PARD3B: variants seen among roughly 807,000 people sequenced by gnomAD.
PARD3B encodes partitioning defective 3 homolog B.
Under a neutral mutation model 130.2 loss-of-function variants are expected in PARD3B, and 103 were observed. That is an observed-to-expected ratio of 0.79 (90% CI 0.67 to 0.93). The LOEUF (loss-of-function observed/expected upper bound fraction) is 0.93. PARD3B is among the 40% of genes least tolerant of loss of function. PARD3B has a pLI of 0.00. For missense variants in PARD3B, 1,609 were observed against 1,499.2 expected (o/e 1.07, Z -1.21); for synonymous variants, 583 against 553.2 (o/e 1.05, Z -0.76).
intron 16 of PARD3B, among the ~76,000 whole-genome samples, chr2:205,266,557 G>T (rs576271836): frequency 3.9e-5 from 6 of 152,054 alleles, no homozygotes; most frequent in Non-Finnish European, 8.8e-5. Context: ...TTAGCTTAGT[G>T]CCTAGAACAC....
At chr2:205,417,539 C>G (rs911496700) in intron 19 of PARD3B, among the ~76,000 whole-genome samples, 1 of 152,190 alleles carries the variant, frequency 6.6e-6, no homozygotes, top group East Asian at 1.9e-4. Context: ...AGTTTACACT[C>G]CCACCAACAG....
intron 2 of PARD3B, among the ~76,000 whole-genome samples, chr2:204,757,545 T>C (rs2040731690): frequency 6.6e-6 from 1 of 152,176 alleles, no homozygotes; most frequent in African/African-American, 2.4e-5. Context: ...GTTGGCTGCT[T>C]GTAGGTCTTC....
chr2:205,201,516 G>C (rs189565222), intron 15 of PARD3B, among the ~76,000 whole-genome samples: 1 of 152,266 alleles, frequency 6.6e-6, no homozygotes, highest in Admixed American at 6.5e-5. Context: ...TTTTTTGTTA[G>C]AGTATTTTAA....
At chr2:204,666,517 G>A (rs1285142611) in intron 1 of PARD3B, among the ~76,000 whole-genome samples, 1 of 152,160 alleles carries the variant, frequency 6.6e-6, no homozygotes. Flanking sequence ...GGCTATTGCT[G>A]TAGTGAGAGC....
chr2:205,466,130 G>T (rs77427413), intron 20 of PARD3B, among the ~76,000 whole-genome samples: 2,577 of 152,332 alleles, frequency 0.017, 60 homozygotes, highest in African/African-American at 0.053. Flanking sequence ...TAAGCTCCCA[G>T]GTGACACTCA....
chr2:205,126,449 T>C (rs575340827), intron 10 of PARD3B, among the ~76,000 whole-genome samples: 103 of 152,170 alleles, frequency 6.8e-4, no homozygotes, highest in Non-Finnish European at 1.2e-3. Context: ...CAGTGAAATA[T>C]AGAAGTACTT....
chr2:205,006,484 T>G (rs1305306602), intron 3 of PARD3B, among the ~76,000 whole-genome samples: 1 of 152,224 alleles, frequency 6.6e-6, no homozygotes, highest in African/African-American at 2.4e-5. Flanking sequence ...GTTTTTTGAC[T>G]TTTTAATAAT....
chr2:205,385,726 C>T (rs780789106), intron 18 of PARD3B, among the ~76,000 whole-genome samples: 1 of 151,970 alleles, frequency 6.6e-6, no homozygotes, highest in Non-Finnish European at 1.5e-5. Flanking sequence ...TTAGTTGAGG[C>T]CTAGGCTAGT....
chr2:205,547,034 T>G (rs1027710091), intron 21 of PARD3B, among the ~76,000 whole-genome samples: 11 of 152,138 alleles, frequency 7.2e-5, no homozygotes, highest in Non-Finnish European at 1.6e-4. Flanking sequence ...TTAAATCTGT[T>G]TTTTTGGATA....
At chr2:205,504,550 A>G (rs1467169228) in intron 21 of PARD3B, among the ~76,000 whole-genome samples, 1 of 152,240 alleles carries the variant, frequency 6.6e-6, no homozygotes, top group African/African-American at 2.4e-5. Flanking sequence ...TTTACAAGAA[A>G]AAAACAACCC....
intron 21 of PARD3B, among the ~76,000 whole-genome samples, chr2:205,541,748 A>G (rs1462855035): frequency 2.0e-5 from 3 of 152,082 alleles, no homozygotes; most frequent in African/African-American, 7.2e-5. Flanking sequence ...CATTCAGTCA[A>G]TCAGCATTTA....
In PARD3B at chr2:205,206,770, A is replaced by G. The variant is rs573946566; in HGVS notation, c.2140+13450A>G. On this transcript the variant is annotated intron_variant, in intron 15 of 22. Coordinates refer to ENST00000406610, the MANE Select transcript of PARD3B (RefSeq NM_001302769.2). ...CTGGGTCAAATGGTATAATAATGGGAGACTTTAACACCCCACTGTCAACAT... is the reference window on the plus strand; with the variant it reads ...CTGGGTCAAATGGTATAATAATGGGGGACTTTAACACCCCACTGTCAACAT... Among the ~76,000 whole-genome samples the G allele has an allele frequency of 3.0e-3, 457 of 152,144 alleles. 1 individual carries two copies. Among genetic ancestry groups the G allele is most frequent in the African/African-American group, 0.011 (445 of 41,506 alleles).
chr2:205,025,991 A>T (rs79918592), intron 3 of PARD3B, among the ~76,000 whole-genome samples: 9,739 of 152,260 alleles, frequency 0.064, 338 homozygotes, highest in Middle Eastern at 0.19. Flanking sequence ...ACATTTATAC[A>T]GCCCGCGGTA....
intron 2 of PARD3B, among the ~76,000 whole-genome samples, chr2:204,766,971 T>C (rs2041184931): frequency 7.1e-6 from 1 of 139,904 alleles, no homozygotes; most frequent in African/African-American, 2.6e-5. Flanking sequence ...TTTTCTTTTT[T>C]TTTTTTTTTC....
At chr2:204,987,083 A>T (rs1258793718) in intron 3 of PARD3B, among the ~76,000 whole-genome samples, 1 of 152,186 alleles carries the variant, frequency 6.6e-6, no homozygotes, top group African/African-American at 2.4e-5. Flanking sequence ...ACTCTCATGT[A>T]CTATAAGAGT....
chr2:205,099,590 T>C (rs1057187721), intron 4 of PARD3B, among the ~76,000 whole-genome samples: 5 of 152,196 alleles, frequency 3.3e-5, no homozygotes, highest in Non-Finnish European at 7.4e-5. Flanking sequence ...TTTGTAATTT[T>C]TGGAAAAAAT....
At chr2:205,077,911 G>C (rs1209717205) in intron 4 of PARD3B, among the ~76,000 whole-genome samples, 5 of 152,272 alleles carry the variant, frequency 3.3e-5, no homozygotes, top group Admixed American at 3.3e-4. Context: ...TTGAGGTGGG[G>C]AAGTTTATAA....
intron 20 of PARD3B, among the ~76,000 whole-genome samples, chr2:205,449,701 G>A (rs955213778): frequency 3.3e-5 from 5 of 152,144 alleles, no homozygotes; most frequent in Non-Finnish European, 7.3e-5. Context: ...TAAAATTGAA[G>A]TGGCAGACAG....
In PARD3B at chr2:205,490,999, G is replaced by C. The variant is rs1290085181; in HGVS notation, c.3045-8897G>C. Among the ~76,000 whole-genome samples, 4 of 152,140 alleles carry C rather than the reference G, an allele frequency of 2.6e-5. No individual in the cohort carries two copies. In the East Asian group the frequency reaches 5.8e-4, roughly 22 times the overall value. On this transcript the variant is annotated intron_variant, in intron 20 of 22. Coordinates refer to ENST00000406610, the MANE Select transcript of PARD3B (RefSeq NM_001302769.2). ...GTGTTGGAGTTCATTGTAGATTCTG[G>C]ATATTAGACCTTTGTCAGATGAGTA...
Sources: allele counts gnomAD v4.1 joint callset (sites outside exome capture counted in the v4.1 genomes callset), GRCh38; gene constraint gnomAD v4.1.1; transcripts MANE v1.5; gene names NCBI Gene and HGNC (gene_info 2026-07-23, HGNC 2026-07-21).